Variants in RAB32 observed in about 807,000 individuals in gnomAD.
RAB32 encodes RAB32, member RAS oncogene family, also known as ras-related protein Rab-32.
RAB32 carries 17 observed loss-of-function variants against 17.5 expected under a neutral mutation model. That is an observed-to-expected ratio of 0.97 (90% CI 0.67 to 1.46). RAB32 has a LOEUF of 1.46. Among genes scored for constraint, RAB32 ranks in the 40% most tolerant of loss-of-function variants. The probability of loss-of-function intolerance (pLI) is 0.00; values close to 1 mark genes in which losing one functional copy is unlikely to be tolerated. For missense variants in RAB32, 288 were observed against 284.3 expected, an observed-to-expected ratio of 1.01 and a Z score of -0.09; for synonymous variants, 115 against 111.1, an observed-to-expected ratio of 1.04 and a Z score of -0.22.
intron 2 of RAB32, among the ~76,000 whole-genome samples, chr6:146,550,656 CAA>C (rs11399832): frequency 1.6e-5 from 2 of 127,338 alleles, no homozygotes; most frequent in Non-Finnish European, 3.2e-5. Flanking sequence ...GACCCCATCT[CAA>C]AAAAAAAAAA....
Position 146,554,563 on chromosome 6 carries a change from T to A in RAB32, c.636T>A (p.Asp212Glu). The change falls in exon 3 of 3, where the codon GAT (aspartate) becomes GAA (glutamate). Residue 212 changes from aspartate to glutamate, a missense_variant. Physicochemically the swap from Asp to Glu is conservative, Grantham distance 45. Coordinates refer to ENST00000367495, the MANE Select transcript of RAB32 (RefSeq NM_006834.5). ...ACGATGTGGACAAAATTAAGCTAGATCAAGAGACCTTGAGAGCAGAGAACA... is the reference window on the plus strand; with the variant it reads ...ACGATGTGGACAAAATTAAGCTAGAACAAGAGACCTTGAGAGCAGAGAACA... ...EENDVDKIKL[D>E]QETLRAENKS... The A allele has an allele frequency of 6.2e-7, 1 of 1,613,738 alleles. No homozygotes were observed. Among genetic ancestry groups the A allele is most frequent in the Non-Finnish European group, 8.5e-7 (1 of 1,179,778 alleles).
chr6:146,544,139 T>C lies in RAB32; in HGVS notation c.250+18T>C. The C allele has an allele frequency of 1.2e-6, 2 of 1,600,420 alleles. No individual in the cohort carries two copies. The highest frequency in any genetic ancestry group is 1.7e-6 in the Non-Finnish European group (2 of 1,173,042). On this transcript the variant is annotated intron_variant, in intron 1 of 2. Transcript: ENST00000367495. ...CATCGCGGGTAAGCGCGGCCGCGAG[T>C]TTCCCACTCCAGAGCCCCGCCGGGC...
intron 1 of RAB32, among the ~76,000 whole-genome samples, chr6:146,546,074 T>C (rs1583535448): frequency 6.6e-6 from 1 of 152,150 alleles, no homozygotes; most frequent in East Asian, 1.9e-4. Flanking sequence ...TATCACCTCT[T>C]CTTTTTTTAT....
chr6:146,548,774 A>G (rs1346611141), intron 1 of RAB32, among the ~76,000 whole-genome samples: 1 of 152,358 alleles, frequency 6.6e-6, no homozygotes, highest in East Asian at 1.9e-4. Flanking sequence ...AAAGTCCTAT[A>G]TAATGTACAA....
chr6:146,546,721 T>C (rs1779826446), intron 1 of RAB32, among the ~76,000 whole-genome samples: 1 of 151,506 alleles, frequency 6.6e-6, no homozygotes, highest in Non-Finnish European at 1.5e-5. Flanking sequence ...GATTGCACAA[T>C]AGTAGATAGA....
At chr6:146,546,398 G>C (rs1227282082) in intron 1 of RAB32, among the ~76,000 whole-genome samples, 1 of 151,006 alleles carries the variant, frequency 6.6e-6, no homozygotes, top group Non-Finnish European at 1.5e-5. Context: ...CTCTGAATAT[G>C]AGGGAGAAAA....
At position 146,543,922 on chromosome 6, in the gene RAB32, A is replaced by G. The variant is rs1355691241; in HGVS notation, c.51A>G (p.Pro17=). Residue 17 remains proline (P), a synonymous_variant, in exon 1 of 3, where the codon CCA becomes CCG. Transcript: ENST00000367495. ...CCGGCCTGGGGGCGGCCGCCGCCCC[A>G]GCGCCCGAGACCCGCGAGCACCTCT... ...GDPGLGAAAA[P]APETREHLFK... 25 of 1,596,314 alleles carry G rather than the reference A, an allele frequency of 1.6e-5. No homozygotes were observed. Among genetic ancestry groups the G allele is most frequent in the Non-Finnish European group, 2.1e-5 (25 of 1,173,178 alleles).
rs781139393 is a variant in RAB32, at chr6:146,554,553, T to A, written c.626T>A (p.Ile209Asn). 5.6e-6 allele frequency: 9 copies of A among 1,613,804 alleles called. No individual in the cohort carries two copies. The Admixed American group carries it at 1.5e-4, about 27-fold the overall frequency. Residue 209 changes from isoleucine to asparagine, a missense_variant, in exon 3 of 3, where the codon ATT (isoleucine) becomes AAT (asparagine). By Grantham distance (149) the Ile-to-Asn change is moderately radical. Coordinates refer to ENST00000367495, the MANE Select transcript of RAB32 (RefSeq NM_006834.5). The part of the protein sequence containing the change: ...FPNEENDVDK[I>N]KLDQETLRAE... The stretch of plus-strand genomic sequence containing the variant: ...AATGAAGAAAACGATGTGGACAAAA[T>A]TAAGCTAGATCAAGAGACCTTGAGA...
At chr6:146,546,782 G>GTTTTTTTTTTTTTT (rs962778741) in intron 1 of RAB32, among the ~76,000 whole-genome samples, 4 of 118,514 alleles carry the variant, frequency 3.4e-5, no homozygotes, top group Admixed American at 8.4e-5. Context: ...TACTAGTTAG[G>GTTTTTTTTTTTTTT]TTTTTTTTTT....
intron 2 of RAB32, among the ~76,000 whole-genome samples, chr6:146,552,775 G>A (rs1224503446): frequency 6.6e-6 from 1 of 152,156 alleles, no homozygotes; most frequent in African/African-American, 2.4e-5. Flanking sequence ...TAAAAAGAAT[G>A]GGAATCTCTA....
chr6:146,547,895 A>G (rs1049570590), intron 1 of RAB32, among the ~76,000 whole-genome samples: 5 of 152,094 alleles, frequency 3.3e-5, no homozygotes, highest in African/African-American at 1.2e-4. Context: ...TTACTTTTTC[A>G]ATTTCCTAAT....
chr6:146,544,252 C>T, intron 1 of RAB32, 131 bp downstream of exon 1: 1 of 1,256,024 alleles, frequency 8.0e-7, no homozygotes, highest in Non-Finnish European at 1.1e-6. Flanking sequence ...GAGGCCCAAT[C>T]CAAGGGCGAG....
Position 146,554,527 on chromosome 6 carries a change from T to C in RAB32, c.600T>C (p.Pro200=). 2 of 1,613,958 alleles carry C rather than the reference T, an allele frequency of 1.2e-6. No homozygotes were observed. The highest frequency in any genetic ancestry group is 1.7e-6 in the Non-Finnish European group (2 of 1,179,858). Residue 200 remains proline, a synonymous_variant, in exon 3 of 3, where the codon CCT becomes CCC. Coordinates refer to ENST00000367495, the MANE Select transcript of RAB32 (RefSeq NM_006834.5). ...EKILVNHQSF[P]NEENDVDKIK... is the part of the protein sequence containing the mutation. ...TTCTTGTAAACCACCAAAGCTTTCC[T>C]AATGAAGAAAACGATGTGGACAAAA...
Position 146,550,721 on chromosome 6 carries a change from G to GT in RAB32, c.528+983dup, listed in dbSNP as rs200465055. Among the ~76,000 whole-genome samples the GT allele has an allele frequency of 9.2e-3, 1,201 of 130,014 alleles. 42 individuals carry two copies. The East Asian group carries it at 0.12, about 13-fold the overall frequency. 85.3% of individuals were successfully genotyped at this position (130,014 alleles called of 152,430 possible). A position where few individuals can be genotyped will look rare whatever the true frequency, so the allele number is the denominator to read the frequency against. The stretch of plus-strand genomic sequence containing the variant: ...GGTGAAAATTATACATATATAAAAT[G>GT]TTTGGGGGGGGGGTTACGTGCATTG... On this transcript the variant is annotated intron_variant, in intron 2 of 2. Transcript: ENST00000367495.
intron 1 of RAB32, among the ~76,000 whole-genome samples, chr6:146,548,937 A>T (rs1779859932): frequency 6.6e-6 from 1 of 152,152 alleles, no homozygotes; most frequent in Admixed American, 6.5e-5. Context: ...ACAGGGGTGA[A>T]ATCTTGCATA....
At chr6:146,547,205 G>A (rs1377403395) in intron 1 of RAB32, among the ~76,000 whole-genome samples, 2 of 152,006 alleles carry the variant, frequency 1.3e-5, no homozygotes, top group Non-Finnish European at 2.9e-5. Flanking sequence ...TCCTTTTAAT[G>A]CTCAGTGTAG....
chr6:146,544,030 C>A lies in RAB32; in HGVS notation c.159C>A (p.His53Gln). 6.2e-7 allele frequency: 1 copy of A among 1,614,008 alleles called. No individual in the cohort carries two copies. Among genetic ancestry groups the A allele is most frequent in the East Asian group, 2.2e-5 (1 of 44,836 alleles). ...KRYVHQLFSQ[H>Q]YRATIGVDFA... is the part of the protein sequence containing the mutation. The stretch of plus-strand genomic sequence containing the variant: ...ACGTCCACCAGCTCTTCTCCCAGCA[C>A]TACCGGGCCACCATCGGGGTGGACT... The change falls in exon 1 of 3, where the codon CAC (histidine) becomes CAA (glutamine). Residue 53 changes from histidine (H) to glutamine (Q), a missense_variant. Physicochemically the swap from His to Gln is conservative, Grantham distance 24. Transcript: ENST00000367495.
intron 2 of RAB32, among the ~76,000 whole-genome samples, chr6:146,551,608 G>A (rs1309304397): frequency 6.6e-6 from 1 of 151,992 alleles, no homozygotes; most frequent in East Asian, 1.9e-4. Context: ...AAAAAAAGGG[G>A]CAGTAAGTAT....
intron 1 of RAB32, among the ~76,000 whole-genome samples, chr6:146,548,961 G>A (rs1188142167): frequency 6.6e-6 from 1 of 152,148 alleles, no homozygotes; most frequent in Non-Finnish European, 1.5e-5. Context: ...AGTCAGAAGT[G>A]GGTATGGGCT....
Sources: gnomAD v4.1 joint callset for allele counts (sites outside exome capture counted in the v4.1 genomes callset) on GRCh38, gnomAD v4.1.1 for gene constraint, MANE v1.5 for transcripts, NCBI Gene and HGNC (gene_info 2026-07-23, HGNC 2026-07-21) for gene names.